SEMA5A: variants seen among roughly 807,000 people sequenced by gnomAD.
SEMA5A encodes the protein semaphorin-5A.
SEMA5A carries 55 observed loss-of-function variants against 135.5 expected under a neutral mutation model. That is an observed-to-expected ratio of 0.41 (90% CI 0.33 to 0.51). The LOEUF (loss-of-function observed/expected upper bound fraction) is 0.51, where lower values mean the gene tolerates loss of function less well. SEMA5A is among the 20% of genes least tolerant of loss of function. The probability of loss-of-function intolerance (pLI) is 0.37; values close to 1 mark genes in which losing one functional copy is unlikely to be tolerated. For synonymous variants in SEMA5A, 580 were observed against 546.5 expected (o/e 1.06, Z -0.85); for missense variants, 1,290 against 1,419.9 (o/e 0.91, Z 1.47).
intron 11 of SEMA5A, among the ~76,000 whole-genome samples, chr5:9,177,834 C>T (rs1031595372): frequency 2.6e-5 from 4 of 152,318 alleles, no homozygotes; most frequent in Middle Eastern, 3.4e-3. Context: ...AATGGACACA[C>T]GGGGACACAT....
chr5:9,379,689 T>C, intron 3 of SEMA5A, 134 bp downstream of exon 3: 1 of 1,132,444 alleles, frequency 8.8e-7, no homozygotes, highest in Non-Finnish European at 1.2e-6. Context: ...TAGTTTTACC[T>C]TTATTTTAAA....
chr5:9,191,232 G>C (rs532263559), intron 10 of SEMA5A, among the ~76,000 whole-genome samples: 2 of 152,302 alleles, frequency 1.3e-5, no homozygotes, highest in South Asian at 4.1e-4. Flanking sequence ...AAATATCATG[G>C]AGATGAACCT....
chr5:9,475,805 T>G (rs537482689), intron 1 of SEMA5A, among the ~76,000 whole-genome samples: 1 of 152,334 alleles, frequency 6.6e-6, no homozygotes, highest in Admixed American at 6.5e-5. Context: ...AAGTGCTCCA[T>G]TAATGTGATT....
At chr5:9,317,117 T>A (rs1752426942) in intron 5 of SEMA5A, among the ~76,000 whole-genome samples, 2 of 152,320 alleles carry the variant, frequency 1.3e-5, no homozygotes, top group East Asian at 3.9e-4. Flanking sequence ...TCATTCTGAT[T>A]CCTTAATAAT....
chr5:9,118,903 A>T (rs1291604872), intron 15 of SEMA5A, 95 bp downstream of exon 15: 1 of 1,455,556 alleles, frequency 6.9e-7, no homozygotes, highest in Admixed American at 2.2e-5. Flanking sequence ...ACATAAGCTT[A>T]GGCAGATCCA....
In SEMA5A at chr5:9,506,934, C is replaced by T. The variant is rs927853115; in HGVS notation, c.-175+38650G>A. Among the ~76,000 whole-genome samples, 7 of 152,272 alleles carry T rather than the reference C, an allele frequency of 4.6e-5. No individual in the cohort carries two copies. In the South Asian group the frequency reaches 1.2e-3, roughly 27 times the overall value. On this transcript the variant is annotated intron_variant, in intron 1 of 22. Coordinates refer to ENST00000382496, the MANE Select transcript of SEMA5A (RefSeq NM_003966.3). The stretch of plus-strand genomic sequence containing the variant: ...CTGAGATAACTTTTAAAATTGAATA[C>T]TTACTGAGTATTTATTGAAAGCTGG...
intron 1 of SEMA5A, among the ~76,000 whole-genome samples, chr5:9,513,408 C>T (rs1188800700): frequency 6.6e-6 from 1 of 152,070 alleles, no homozygotes; most frequent in Non-Finnish European, 1.5e-5. Context: ...TTCAGGATGT[C>T]TTAGAAGTTT....
At chr5:9,535,518 T>C (rs1737711526) in intron 1 of SEMA5A, among the ~76,000 whole-genome samples, 1 of 152,184 alleles carries the variant, frequency 6.6e-6, no homozygotes, top group Non-Finnish European at 1.5e-5. Context: ...CAGTGTGACA[T>C]TCTTAGGTGA....
intron 1 of SEMA5A, among the ~76,000 whole-genome samples, chr5:9,523,431 C>T (rs951064359): frequency 6.6e-6 from 1 of 152,202 alleles, no homozygotes; most frequent in Non-Finnish European, 1.5e-5. Flanking sequence ...CCTAGGATGT[C>T]TCATATCTTA....
At chr5:9,414,964 C>T (rs140174931) in intron 2 of SEMA5A, among the ~76,000 whole-genome samples, 130 of 152,260 alleles carry the variant, frequency 8.5e-4, no homozygotes, top group African/African-American at 2.6e-3. Context: ...CTTTCATAGG[C>T]GACTGCTCTA....
chr5:9,535,458 T>C (rs544320822), intron 1 of SEMA5A, among the ~76,000 whole-genome samples: 55 of 152,014 alleles, frequency 3.6e-4, no homozygotes, highest in South Asian at 1.7e-3. Context: ...CCTTCCCAAC[T>C]CTCACCTCCA....
chr5:9,336,329 G>A (rs1367489724), intron 4 of SEMA5A, among the ~76,000 whole-genome samples: 1 of 152,164 alleles, frequency 6.6e-6, no homozygotes, highest in African/African-American at 2.4e-5. Context: ...CCACACCAGG[G>A]AGACAGCTTA....
At chr5:9,195,431 C>T (rs991366907) in intron 10 of SEMA5A, among the ~76,000 whole-genome samples, 1 of 152,200 alleles carries the variant, frequency 6.6e-6, no homozygotes, top group African/African-American at 2.4e-5. Flanking sequence ...CTTGGCCTCA[C>T]AAAGCACTGT....
intron 1 of SEMA5A, among the ~76,000 whole-genome samples, chr5:9,452,745 G>A (rs183781940): frequency 8.5e-5 from 13 of 152,280 alleles, no homozygotes; most frequent in Admixed American, 8.5e-4. Context: ...TCCCTACCCA[G>A]TTTGTTACTG....
intron 1 of SEMA5A, among the ~76,000 whole-genome samples, chr5:9,535,671 C>T (rs190402589): frequency 6.6e-6 from 1 of 152,206 alleles, no homozygotes; most frequent in East Asian, 1.9e-4. Flanking sequence ...TCAGCACCAC[C>T]TTTGAGGAGT....
chr5:9,168,691 T>C (rs1369489411), intron 11 of SEMA5A, among the ~76,000 whole-genome samples: 5 of 152,170 alleles, frequency 3.3e-5, no homozygotes, highest in Non-Finnish European at 2.9e-5. Flanking sequence ...TAATGCATGA[T>C]AAATAGTGTG....
intron 1 of SEMA5A, among the ~76,000 whole-genome samples, chr5:9,474,117 T>TA (rs1202945372): frequency 6.6e-6 from 1 of 152,028 alleles, no homozygotes; most frequent in African/African-American, 2.4e-5. Flanking sequence ...GAGGGGCTAA[T>TA]AAAAGGCAAG....
Position 9,237,872 on chromosome 5 carries a change from C to T in SEMA5A, c.289G>A (p.Asp97Asn). The change falls in exon 6 of 23, where the codon GAT becomes AAT. Residue 97 changes from aspartate (D) to asparagine (N), a missense_variant. Asp to Asn is a conservative substitution (Grantham distance 23). Transcript: ENST00000382496. ...TAACAGGCCTTTTTGGTAGCTTCAT[C>T]ACACTCCCATTCCACAGCCTGTAGA... ...SLIQAVEWEC[D>N]EATKKACYSK... 6.2e-7 allele frequency: 1 copy of T among 1,613,548 alleles called. No homozygotes were observed. The highest frequency in any genetic ancestry group is 8.5e-7 in the Non-Finnish European group (1 of 1,179,636).
intron 2 of SEMA5A, among the ~76,000 whole-genome samples, chr5:9,387,811 C>A (rs760967235): frequency 5.9e-5 from 9 of 152,170 alleles, no homozygotes; most frequent in Non-Finnish European, 1.2e-4. Context: ...TTGGGAAATA[C>A]AGTGAAATTA....
Sources: allele counts gnomAD v4.1 joint callset (sites outside exome capture counted in the v4.1 genomes callset), GRCh38; gene constraint gnomAD v4.1.1; transcripts MANE v1.5; gene names NCBI Gene and HGNC (gene_info 2026-07-23, HGNC 2026-07-21).